The following CTNNA2 variants were observed in gnomAD, a reference collection of about 807,000 sequenced individuals.
CTNNA2 encodes the protein catenin alpha 2, also known as catenin alpha-2.
Under a neutral mutation model 101.0 loss-of-function variants are expected in CTNNA2, and 42 were observed. The observed-to-expected ratio is 0.42, with a 90% CI of 0.32 to 0.54. The LOEUF is 0.54. Among genes scored for constraint, CTNNA2 ranks in the 20% least tolerant of loss-of-function variants. The probability of loss-of-function intolerance (pLI) is 0.14; values close to 1 mark genes in which losing one functional copy is unlikely to be tolerated. For synonymous variants in CTNNA2, 450 were observed against 456.4 expected, an observed-to-expected ratio of 0.99 and a Z score of 0.18; for missense variants, 871 against 1,223.1, an observed-to-expected ratio of 0.71 and a Z score of 4.29.
At chr2:79,613,249 C>G (rs1429752945) in intron 1 of CTNNA2, among the ~76,000 whole-genome samples, 1 of 151,554 alleles carries the variant, frequency 6.6e-6, no homozygotes, top group African/African-American at 2.4e-5. Context: ...GCTTCAACCT[C>G]AGGAAGTCAT....
chr2:80,302,909 T>C lies in CTNNA2; in HGVS notation c.1057-90302T>C, dbSNP rs1402587996. ...GGCCAGGGTGATGCTTGTCAGGGAC[T>C]TCCAAGAGTTGAGGATCCGGGGCTC... On this transcript the variant is annotated intron_variant, in intron 7 of 18. Transcript: ENST00000402739. The surrounding 1 kb of genome is among the most constrained non-coding windows in gnomAD (Gnocchi z 6.4). The C allele has an allele frequency of 6.2e-7, 1 of 1,614,030 alleles. No individual in the cohort carries two copies. Among genetic ancestry groups the C allele is most frequent in the Admixed American group, 1.7e-5 (1 of 60,002 alleles).
At chr2:80,638,158 C>T (rs990310980) in intron 18 of CTNNA2, among the ~76,000 whole-genome samples, 4 of 152,056 alleles carry the variant, frequency 2.6e-5, no homozygotes, top group East Asian at 1.9e-4. Context: ...GCTCTCCTAT[C>T]GGTAAGGCAA....
chr2:79,339,731 A>G (rs1224299568), intron 3 of CTNNA2: 1 of 152,290 alleles, frequency 6.6e-6, no homozygotes, highest in African/African-American at 2.4e-5. Context: ...TGAGGAAGAG[A>G]AAGAGTGCTG....
At chr2:79,549,557 A>G (rs1040116931) in intron 1 of CTNNA2, among the ~76,000 whole-genome samples, 1 of 152,228 alleles carries the variant, frequency 6.6e-6, no homozygotes, top group Admixed American at 6.5e-5. Context: ...ATGAACTGCT[A>G]CAAAACTCTT....
At chr2:80,151,589 A>C (rs1703701324) in intron 7 of CTNNA2, among the ~76,000 whole-genome samples, 1 of 152,204 alleles carries the variant, frequency 6.6e-6, no homozygotes, top group Admixed American at 6.5e-5. Context: ...TTTAGAAAGC[A>C]CTTGACTTGG....
chr2:80,039,456 C>T (rs1355451527), intron 7 of CTNNA2, among the ~76,000 whole-genome samples: 1 of 152,204 alleles, frequency 6.6e-6, no homozygotes, highest in African/African-American at 2.4e-5. Context: ...AATATGTTCT[C>T]ACTCAGAAGA....
At chr2:79,851,136 C>G (rs1013124188) in intron 3 of CTNNA2, among the ~76,000 whole-genome samples, 1 of 152,196 alleles carries the variant, frequency 6.6e-6, no homozygotes, top group African/African-American at 2.4e-5. Context: ...GAAAAGGAGC[C>G]AAGAGGCATG....
chr2:80,626,171 G>T (rs1029068434), intron 18 of CTNNA2, among the ~76,000 whole-genome samples: 10 of 151,960 alleles, frequency 6.6e-5, no homozygotes, highest in African/African-American at 1.9e-4. Context: ...TTAAAAATTT[G>T]TATATAGTTT....
intron 9 of CTNNA2, among the ~76,000 whole-genome samples, chr2:80,541,200 G>A (rs1691526430): frequency 6.6e-6 from 1 of 152,166 alleles, no homozygotes; most frequent in Non-Finnish European, 1.5e-5. Flanking sequence ...ATGTAAGCCT[G>A]CCTCTGAAGA....
intron 1 of CTNNA2, among the ~76,000 whole-genome samples, chr2:79,611,818 A>G (rs948321794): frequency 1.3e-5 from 2 of 152,140 alleles, no homozygotes; most frequent in Non-Finnish European, 1.5e-5. Flanking sequence ...CTTGAATTAT[A>G]CAAAGTCAGC....
At chr2:80,510,618 GA>G (rs1450612355) in intron 9 of CTNNA2, among the ~76,000 whole-genome samples, 2 of 152,138 alleles carry the variant, frequency 1.3e-5, no homozygotes, top group South Asian at 4.1e-4. Flanking sequence ...AATATATGCT[GA>G]AAAAATTGGT....
intron 3 of CTNNA2, among the ~76,000 whole-genome samples, chr2:79,849,727 C>A (rs890629782): frequency 3.3e-5 from 5 of 152,134 alleles, no homozygotes; most frequent in African/African-American, 1.2e-4. Context: ...TTTTGGTTTC[C>A]TTGCTACTTC....
chr2:79,490,396 C>G (rs1288853810), intron 4 of CTNNA2, among the ~76,000 whole-genome samples: 1 of 152,060 alleles, frequency 6.6e-6, no homozygotes, highest in Non-Finnish European at 1.5e-5. Flanking sequence ...GCTGCACATC[C>G]AATCCTGTGT....
At chr2:79,375,268 G>A (rs187941232) in intron 4 of CTNNA2, among the ~76,000 whole-genome samples, 4 of 152,246 alleles carry the variant, frequency 2.6e-5, no homozygotes, top group Non-Finnish European at 5.9e-5. Flanking sequence ...ATCTGATAGC[G>A]TGTTTCATCT....
chr2:80,556,646 G>A (rs963389762), intron 12 of CTNNA2, among the ~76,000 whole-genome samples: 12 of 152,136 alleles, frequency 7.9e-5, no homozygotes, highest in Admixed American at 6.6e-5. Context: ...TATAAGACTG[G>A]CCTGTTTTTA....
At chr2:80,491,644 A>G (rs539879209) in intron 9 of CTNNA2, among the ~76,000 whole-genome samples, 32 of 152,208 alleles carry the variant, frequency 2.1e-4, no homozygotes, top group Non-Finnish European at 4.1e-4. Context: ...TTGAGCAACT[A>G]TGAGATGCTG....
At chr2:80,391,893 G>A (rs1000178686) in intron 7 of CTNNA2, among the ~76,000 whole-genome samples, 6 of 152,194 alleles carry the variant, frequency 3.9e-5, no homozygotes, top group African/African-American at 1.4e-4. Flanking sequence ...TAGGGAGTGG[G>A]AAAGGATGAT....
At chr2:80,300,939 T>C (rs1244589242) in intron 7 of CTNNA2, among the ~76,000 whole-genome samples, 6 of 146,520 alleles carry the variant, frequency 4.1e-5, no homozygotes, top group African/African-American at 1.3e-4. Context: ...CAATCATCAC[T>C]CTCAACACAG....
chr2:79,531,609 T>C (rs576014784), intron 1 of CTNNA2, among the ~76,000 whole-genome samples: 3 of 151,960 alleles, frequency 2.0e-5, no homozygotes, highest in Non-Finnish European at 4.4e-5. Flanking sequence ...GTGTAAGCAT[T>C]GACACAAAAG....
Sources: gnomAD v4.1 joint callset for allele counts (sites outside exome capture counted in the v4.1 genomes callset) on GRCh38, gnomAD v4.1.1 for gene constraint, Gnocchi (gnomAD v3.1) non-coding constraint, MANE v1.5 for transcripts, NCBI Gene and HGNC (gene_info 2026-07-23, HGNC 2026-07-21) for gene names.